IL23R: variants seen among roughly 807,000 people sequenced by gnomAD.
IL23R encodes the protein interleukin-23 receptor.
A neutral mutation model predicts 56.9 loss-of-function variants in IL23R; 34 were observed. The observed-to-expected ratio is 0.60, with a 90% CI of 0.45 to 0.80. The LOEUF (loss-of-function observed/expected upper bound fraction) is 0.80. Ranked by LOEUF, IL23R falls within the 30% of genes least tolerant of loss-of-function variation. IL23R has a pLI of 0.00. For synonymous variants in IL23R, 230 were observed against 249.2 expected, an observed-to-expected ratio of 0.92 and a Z score of 0.73; for missense variants, 635 against 730.0, an observed-to-expected ratio of 0.87 and a Z score of 1.50.
At chr1:67,169,016 C>G (rs1212859785) in intron 2 of IL23R, among the ~76,000 whole-genome samples, 1 of 151,888 alleles carries the variant, frequency 6.6e-6, no homozygotes, top group Non-Finnish European at 1.5e-5. Context: ...TGGTGCTCAC[C>G]TGTAATCCCA....
At chr1:67,160,770 C>G (rs1646811564) in intron 1 of IL23R, among the ~76,000 whole-genome samples, 1 of 152,050 alleles carries the variant, frequency 6.6e-6, no homozygotes, top group Non-Finnish European at 1.5e-5. Context: ...CAGCCTTTAT[C>G]TCTTGGGTTC....
At chr1:67,261,563 AAT>A (rs1653206467), downstream of IL23R, among the ~76,000 whole-genome samples, 1 of 152,070 alleles carries the variant, frequency 6.6e-6, no homozygotes, top group East Asian at 1.9e-4. Flanking sequence ...TCACTAATGA[AAT>A]GCTAATCTTA....
chr1:67,246,789 T>G (rs1652252984), intron 9 of IL23R, among the ~76,000 whole-genome samples: 1 of 152,224 alleles, frequency 6.6e-6, no homozygotes, highest in African/African-American at 2.4e-5. Context: ...GTATATTCTG[T>G]TGATTTGGGG....
downstream of IL23R, among the ~76,000 whole-genome samples, chr1:67,262,414 A>T (rs1653225470): frequency 6.6e-6 from 1 of 152,194 alleles, no homozygotes; most frequent in East Asian, 1.9e-4. Flanking sequence ...AATGTGGTGG[A>T]TAGCAAATCG....
chr1:67,144,711 T>A (rs974485229), intron 1 of IL23R, among the ~76,000 whole-genome samples: 4 of 152,222 alleles, frequency 2.6e-5, no homozygotes, highest in African/African-American at 9.7e-5. Flanking sequence ...GCTCTTTTTT[T>A]CTTCTAGCTT....
chr1:67,170,777 T>TG (rs944991953), intron 3 of IL23R, among the ~76,000 whole-genome samples: 1 of 152,134 alleles, frequency 6.6e-6, no homozygotes, highest in Non-Finnish European at 1.5e-5. Context: ...ACAACTTAGC[T>TG]GGGGGGCAGA....
chr1:67,172,544 C>A (rs370388079), intron 3 of IL23R, among the ~76,000 whole-genome samples: 1 of 152,096 alleles, frequency 6.6e-6, no homozygotes. Context: ...TCTAATCAGG[C>A]CACACCAATC....
intron 1 of IL23R, among the ~76,000 whole-genome samples, chr1:67,153,091 G>T (rs1646742710): frequency 6.6e-6 from 1 of 152,118 alleles, no homozygotes; most frequent in African/African-American, 2.4e-5. Context: ...GCTTTTTTTG[G>T]TTGGTAGCCT....
intron 7 of IL23R, among the ~76,000 whole-genome samples, chr1:67,230,836 G>C (rs1479387972): frequency 1.3e-5 from 2 of 152,132 alleles, no homozygotes; most frequent in Admixed American, 1.3e-4. Flanking sequence ...CTTGCTAATT[G>C]ACATACTCAA....
intron 6 of IL23R, among the ~76,000 whole-genome samples, chr1:67,208,362 C>A (rs1024169628): frequency 4.6e-5 from 7 of 152,160 alleles, no homozygotes; most frequent in Non-Finnish European, 7.3e-5. Context: ...GAAAATGTCT[C>A]CAGGCCACAT....
At chr1:67,201,038 C>A in intron 5 of IL23R, 141 bp downstream of exon 5, 1 of 811,118 alleles carries the variant, frequency 1.2e-6, no homozygotes, top group Non-Finnish European at 2.0e-6. Flanking sequence ...CATAATTCTA[C>A]CTGCCCAAGA....
intron 4 of IL23R, among the ~76,000 whole-genome samples, chr1:67,196,840 T>C (rs1648191531): frequency 6.6e-6 from 1 of 152,216 alleles, no homozygotes; most frequent in African/African-American, 2.4e-5. Flanking sequence ...AGAAAATTGT[T>C]AAAAATGGCA....
intron 7 of IL23R, among the ~76,000 whole-genome samples, chr1:67,233,626 A>C (rs1334129695): frequency 1.3e-5 from 2 of 152,210 alleles, no homozygotes; most frequent in Non-Finnish European, 2.9e-5. Context: ...AGATCACTCT[A>C]AATTCCCACA....
downstream of IL23R, among the ~76,000 whole-genome samples, chr1:67,263,112 C>CTT (rs66482004): frequency 0.28 from 27,269 of 98,650 alleles, 3,994 homozygotes; most frequent in Admixed American, 0.38. Context: ...AATTTCTTTC[C>CTT]TTTTTTTTTT....
intron 3 of IL23R, among the ~76,000 whole-genome samples, chr1:67,176,897 T>A (rs1465805175): frequency 1.3e-5 from 2 of 152,020 alleles, no homozygotes; most frequent in African/African-American, 2.4e-5. Context: ...GATAGTTTGC[T>A]GAGAATGATG....
chr1:67,171,087 C>T (rs1044404404), intron 3 of IL23R, among the ~76,000 whole-genome samples: 8 of 152,266 alleles, frequency 5.3e-5, no homozygotes, highest in African/African-American at 1.9e-4. Flanking sequence ...TTAGCTTGTC[C>T]ACATCCTCAG....
At chr1:67,211,627 A>T (rs924514930) in intron 6 of IL23R, among the ~76,000 whole-genome samples, 1 of 118,340 alleles carries the variant, frequency 8.5e-6, no homozygotes, top group Non-Finnish European at 1.9e-5. Flanking sequence ...TCTCCAGAGG[A>T]AAAAAAAAAA....
At position 67,259,356 on chromosome 1, in the gene IL23R, G is replaced by A. The variant is rs1287554600; in HGVS notation, c.*228G>A. 1.1e-5 allele frequency: 6 copies of A among 529,542 alleles called. No homozygotes were observed. In the African/African-American group the frequency reaches 1.1e-4, roughly 10 times the overall value. 32.8% of individuals were successfully genotyped at this position (529,542 alleles called of 1,614,324 possible). A position where few individuals can be genotyped will look rare whatever the true frequency, so the allele number is the denominator to read the frequency against. On this transcript the variant is annotated 3_prime_UTR_variant, in exon 11 of 11. Transcript: ENST00000347310. The stretch of plus-strand genomic sequence containing the variant: ...CTACCAATCTTGTTTCCAGAGTAGT[G>A]ACATTTCTGTGCTCCTACCATCACC...
intron 1 of IL23R, among the ~76,000 whole-genome samples, chr1:67,156,983 G>A (rs1223378486): frequency 1.3e-5 from 2 of 152,160 alleles, no homozygotes; most frequent in Non-Finnish European, 2.9e-5. Flanking sequence ...CAAAAAATCC[G>A]TGGGAAAAGT....
Sources: allele counts gnomAD v4.1 joint callset (sites outside exome capture counted in the v4.1 genomes callset), GRCh38; gene constraint gnomAD v4.1.1; transcripts MANE v1.5; gene names NCBI Gene and HGNC (gene_info 2026-07-23, HGNC 2026-07-21).